Variants in AHI1 observed in about 807,000 individuals in gnomAD.
The protein encoded by AHI1 is jouberin.
In AHI1, 123 loss-of-function variants were observed where a neutral mutation model predicts 149.3. The observed-to-expected ratio is 0.82, with a 90% CI of 0.71 to 0.96. AHI1 has a LOEUF of 0.96. Ranked by LOEUF, AHI1 falls within the 40% of genes least tolerant of loss-of-function variation. The pLI is 0.00. For missense variants in AHI1, 1,439 were observed against 1,422.7 expected (o/e 1.01, Z -0.18); for synonymous variants, 475 against 459.8 (o/e 1.03, Z -0.42).
intron 8 of AHI1, among the ~76,000 whole-genome samples, chr6:135,461,937 G>A (rs540219464): frequency 8.5e-5 from 13 of 152,080 alleles, no homozygotes; most frequent in East Asian, 5.8e-4. Context: ...GGCAACTAAC[G>A]GGAAGGTGAT....
At chr6:135,465,676 A>G in intron 7 of AHI1, 138 bp downstream of exon 7, 1 of 620,740 alleles carries the variant, frequency 1.6e-6, no homozygotes. Flanking sequence ...TGTAAAAGTT[A>G]GCTGTTCTTA....
intron 3 of AHI1, chr6:135,492,937 AT>A: frequency 4.1e-6 from 4 of 978,654 alleles, no homozygotes; most frequent in Non-Finnish European, 4.9e-6. Flanking sequence ...ACATTAGAAC[AT>A]TTAGAATGTA....
At chr6:135,306,286 G>A (rs978217006) in intron 26 of AHI1, among the ~76,000 whole-genome samples, 15 of 152,136 alleles carry the variant, frequency 9.9e-5, no homozygotes, top group Admixed American at 3.9e-4. Context: ...AAGCACAACT[G>A]GAGAGGTCTG....
At position 135,430,097 on chromosome 6, in the gene AHI1, C is replaced by T. The variant is rs1187470537; in HGVS notation, c.2374-97G>A. On this transcript the variant is annotated intron_variant, in intron 17 of 28. Coordinates refer to ENST00000265602, the MANE Select transcript of AHI1 (RefSeq NM_001134831.2). The stretch of plus-strand genomic sequence containing the variant: ...TAATCTTAAAATATCATTTCCAATT[C>T]CACTGTATAGGATGCTTTAAAATTG... 4.4e-6 allele frequency: 3 copies of T among 677,314 alleles called. No individual in the cohort carries two copies. The Admixed American group carries it at 8.2e-5, about 18-fold the overall frequency. The allele number at this position is 677,314 out of a possible 1,614,324, so 42.0% of individuals were successfully genotyped here.
Position 135,369,395 on chromosome 6 carries a change from A to G in AHI1, c.3110-11208T>C, listed in dbSNP as rs572492497. ...TCTCTGTGCACTGCTCTGTCCGTCC[A>G]AGTGGGAGCTGCAAGTTAGTCCTGC... On this transcript the variant is annotated intron_variant, in intron 23 of 28. Transcript: ENST00000265602. 3.3e-5 allele frequency among the ~76,000 whole-genome samples: 5 copies of G among 152,338 alleles called. No individual in the cohort carries two copies. The South Asian group carries it at 6.2e-4, about 19-fold the overall frequency.
chr6:135,301,796 T>TG (rs1783913452), intron 26 of AHI1: 1 of 985,388 alleles, frequency 1.0e-6, no homozygotes, highest in Middle Eastern at 5.2e-4. Flanking sequence ...AAAACGTGTT[T>TG]GGGAAAAAAG....
rs770635947 is a variant in AHI1, at chr6:135,358,228, T to C, written c.3110-41A>G. 5.9e-6 allele frequency: 9 copies of C among 1,525,192 alleles called. No homozygotes were observed. In the East Asian group the frequency reaches 6.8e-5, roughly 12 times the overall value. 94.5% of individuals were successfully genotyped at this position (1,525,192 alleles called of 1,614,324 possible). A position where few individuals can be genotyped will look rare whatever the true frequency, so the allele number is the denominator to read the frequency against. ...ATTGTGAGTATTTGGTTATTAAGCCTGTCCATTTTATGTTGAAAATATTCA... is the reference window on the plus strand; with the variant it reads ...ATTGTGAGTATTTGGTTATTAAGCCCGTCCATTTTATGTTGAAAATATTCA... On this transcript the variant is annotated intron_variant, in intron 23 of 28. Coordinates refer to ENST00000265602, the MANE Select transcript of AHI1 (RefSeq NM_001134831.2).
chr6:135,312,829 CT>C (rs1306412949), intron 26 of AHI1, among the ~76,000 whole-genome samples: 1 of 152,180 alleles, frequency 6.6e-6, no homozygotes, highest in Non-Finnish European at 1.5e-5. Context: ...CTCTAAGGTC[CT>C]TTCCATGTCA....
intron 22 of AHI1, among the ~76,000 whole-genome samples, chr6:135,402,544 A>G (rs1780165387): frequency 6.6e-6 from 1 of 152,002 alleles, no homozygotes; most frequent in Non-Finnish European, 1.5e-5. Context: ...AGGTCCACCT[A>G]TAGGTGGATT....
chr6:135,389,281 C>G (rs1051009705), intron 23 of AHI1, among the ~76,000 whole-genome samples: 9 of 147,026 alleles, frequency 6.1e-5, no homozygotes, highest in Non-Finnish European at 1.0e-4. Flanking sequence ...ACTGCACCAG[C>G]CTGGGTGACA....
At position 135,457,606 on chromosome 6, in the gene AHI1, C is replaced by G; in HGVS notation, c.1039G>C (p.Val347Leu). 6.2e-7 allele frequency: 1 copy of G among 1,613,952 alleles called. No individual in the cohort carries two copies. Among genetic ancestry groups the G allele is most frequent in the Non-Finnish European group, 8.5e-7 (1 of 1,179,862 alleles). Reference protein sequence around the residue: ...CLLDDDLVLGVYIHRTDRLKS... With the variant: ...CLLDDDLVLGLYIHRTDRLKS... ...AGTCTATCAGTTCGGTGAATGTAAA[C>G]TCCCAAGACAAGGTCATCATCAAGC... is the stretch of plus-strand genomic sequence containing the variant. The change falls in exon 9 of 29, where the codon GTT becomes CTT. Residue 347 changes from valine (V) to leucine (L), a missense_variant. By Grantham distance (32) the Val-to-Leu change is conservative (BLOSUM62 1). Coordinates refer to ENST00000265602, the MANE Select transcript of AHI1 (RefSeq NM_001134831.2).
Position 135,419,384 on chromosome 6 carries a change from T to C in AHI1, c.2764+7783A>G, listed in dbSNP as rs192179848. On this transcript the variant is annotated intron_variant, in intron 20 of 28. Coordinates refer to ENST00000265602, the MANE Select transcript of AHI1 (RefSeq NM_001134831.2). ...GTCATACATACCCTGCTACAGAGAA[T>C]AGCTACAATTTCCCGACTGCAGCCT... is the stretch of plus-strand genomic sequence containing the variant. 3.3e-5 allele frequency among the ~76,000 whole-genome samples: 5 copies of C among 152,210 alleles called. No individual in the cohort carries two copies. In the East Asian group the frequency reaches 9.6e-4, roughly 29 times the overall value.
intron 27 of AHI1, among the ~76,000 whole-genome samples, chr6:135,296,989 C>T (rs1324021220): frequency 1.3e-5 from 2 of 152,178 alleles, no homozygotes; most frequent in Non-Finnish European, 2.9e-5. Flanking sequence ...AGTATAGCAC[C>T]TAGAACAGAG....
chr6:135,403,794 T>C (rs1046937840), intron 22 of AHI1, among the ~76,000 whole-genome samples: 19 of 152,174 alleles, frequency 1.2e-4, no homozygotes, highest in African/African-American at 3.9e-4. Flanking sequence ...TGTTCTCTTT[T>C]CCCCCCTCGT....
chr6:135,364,785 G>A (rs567544837), intron 23 of AHI1, among the ~76,000 whole-genome samples: 2 of 152,234 alleles, frequency 1.3e-5, no homozygotes, highest in Non-Finnish European at 2.9e-5. Flanking sequence ...GCAGGCACTC[G>A]GCAAGCTGAG....
chr6:135,480,215 G>A (rs1004390145), intron 5 of AHI1, among the ~76,000 whole-genome samples: 1 of 152,116 alleles, frequency 6.6e-6, no homozygotes, highest in Admixed American at 6.5e-5. Flanking sequence ...ATTGCACTTT[G>A]GGAACACAAG....
chr6:135,480,977 C>CA (rs2128121856), intron 5 of AHI1, among the ~76,000 whole-genome samples: 1 of 151,354 alleles, frequency 6.6e-6, no homozygotes, highest in African/African-American at 2.5e-5. Context: ...CTGAAACCAT[C>CA]CCCCCCGGCC....
At chr6:135,386,903 A>C (rs1254554925) in intron 23 of AHI1, among the ~76,000 whole-genome samples, 6 of 152,094 alleles carry the variant, frequency 3.9e-5, no homozygotes, top group Admixed American at 2.0e-4. Context: ...GGGGATCATA[A>C]GGCATGAGCC....
intron 28 of AHI1, among the ~76,000 whole-genome samples, chr6:135,287,089 A>G (rs1344662841): frequency 6.6e-6 from 1 of 152,116 alleles, no homozygotes; most frequent in Admixed American, 6.5e-5. Context: ...GGAAGAGTTC[A>G]TGTTAGTGGG....
Sources: allele counts gnomAD v4.1 joint callset (sites outside exome capture counted in the v4.1 genomes callset), GRCh38; gene constraint gnomAD v4.1.1; transcripts MANE v1.5; gene names NCBI Gene and HGNC (gene_info 2026-07-23, HGNC 2026-07-21).